BCL11A: variants seen among roughly 807,000 people sequenced by gnomAD.
BCL11A encodes B cell CLL/lymphoma 11A.
BCL11A carries 2 observed loss-of-function variants against 55.9 expected under a neutral mutation model. That is an observed-to-expected ratio of 0.04 (90% CI 0.01 to 0.11). The LOEUF is 0.11. Ranked by LOEUF, BCL11A falls within the 10% of genes least tolerant of loss-of-function variation. The pLI is 1.00. For synonymous variants in BCL11A, 465 were observed against 473.4 expected, an observed-to-expected ratio of 0.98 and a Z score of 0.23; for missense variants, 817 against 1,137.1, an observed-to-expected ratio of 0.72 and a Z score of 4.05.
intron 2 of BCL11A, among the ~76,000 whole-genome samples, chr2:60,491,425 C>G (rs1311699539): frequency 6.6e-6 from 1 of 152,146 alleles, no homozygotes; most frequent in Non-Finnish European, 1.5e-5. Flanking sequence ...GTAATCCCAG[C>G]ACTTTGGGAG....
At chr2:60,476,606 A>G (rs1677611171) in intron 2 of BCL11A, among the ~76,000 whole-genome samples, 1 of 152,262 alleles carries the variant, frequency 6.6e-6, no homozygotes, top group African/African-American at 2.4e-5. Flanking sequence ...GAATTTCTGT[A>G]AAATAAATCA....
intron 2 of BCL11A, among the ~76,000 whole-genome samples, chr2:60,495,401 C>T (rs1678888327): frequency 6.6e-6 from 1 of 152,210 alleles, no homozygotes; most frequent in Non-Finnish European, 1.5e-5. Context: ...CTGGAATCAG[C>T]TATCTGCTCT....
At chr2:60,476,630 A>G (rs1484939041) in intron 2 of BCL11A, among the ~76,000 whole-genome samples, 1 of 152,250 alleles carries the variant, frequency 6.6e-6, no homozygotes, top group African/African-American at 2.4e-5. Flanking sequence ...TTGCTAACCA[A>G]CATAATTTCA....
chr2:60,455,052 G>A, downstream of BCL11A, among the ~76,000 whole-genome samples: 1 of 152,172 alleles, frequency 6.6e-6, no homozygotes, highest in East Asian at 1.9e-4. Flanking sequence ...ACAAAGAGAG[G>A]ATAGCAAATG....
intron 2 of BCL11A, among the ~76,000 whole-genome samples, chr2:60,531,828 C>T (rs939690003): frequency 1.3e-5 from 2 of 152,196 alleles, no homozygotes; most frequent in South Asian, 2.1e-4. Context: ...CCCTCTCTGC[C>T]GGCCGCAGCT....
At chr2:60,508,617 T>A (rs553202875) in intron 2 of BCL11A, 2 of 152,376 alleles carry the variant, frequency 1.3e-5, no homozygotes, top group African/African-American at 4.8e-5. Context: ...TCAGGTACTA[T>A]GGCAAACTGG....
Position 60,459,514 on chromosome 2 carries a change from C to G in BCL11A, c.*890G>C. 9.8e-7 allele frequency: 1 copy of G among 1,022,606 alleles called. No homozygotes were observed. The highest frequency in any genetic ancestry group is 1.2e-6 in the Non-Finnish European group (1 of 851,732). The allele number at this position is 1,022,606 out of a possible 1,614,324, so 63.3% of individuals were successfully genotyped here. On this transcript the variant is annotated 3_prime_UTR_variant, in exon 4 of 4. Coordinates refer to ENST00000642384, the MANE Select transcript of BCL11A (RefSeq NM_022893.4). ...AAACTAAAGGAAAAATGATGATTAACTAGGACATAATGGGTCATCTTTTTA... is the reference window on the plus strand; with the variant it reads ...AAACTAAAGGAAAAATGATGATTAAGTAGGACATAATGGGTCATCTTTTTA...
At chr2:60,535,843 A>G (rs1436973554) in intron 2 of BCL11A, 3 of 152,244 alleles carry the variant, frequency 2.0e-5, no homozygotes, top group Non-Finnish European at 4.4e-5. Context: ...GTGTCCACCC[A>G]CCACCACCAT....
intron 2 of BCL11A, among the ~76,000 whole-genome samples, chr2:60,509,863 G>A (rs1007700743): frequency 1.2e-4 from 18 of 152,074 alleles, no homozygotes; most frequent in African/African-American, 4.3e-4. Flanking sequence ...AGGAGCCCCA[G>A]ACACACCCAT....
At chr2:60,464,659 C>A (rs1167546196) in intron 3 of BCL11A, among the ~76,000 whole-genome samples, 1 of 152,190 alleles carries the variant, frequency 6.6e-6, no homozygotes, top group East Asian at 1.9e-4. Flanking sequence ...TCACATGTGC[C>A]ATGAATTGTA....
intron 2 of BCL11A, among the ~76,000 whole-genome samples, chr2:60,523,302 T>C (rs1669072414): frequency 6.6e-6 from 1 of 152,198 alleles, no homozygotes; most frequent in Non-Finnish European, 1.5e-5. Context: ...CTTGGGACTG[T>C]TGCTCCTAAA....
chr2:60,479,697 T>C (rs1677841994), intron 2 of BCL11A, among the ~76,000 whole-genome samples: 1 of 152,166 alleles, frequency 6.6e-6, no homozygotes, highest in Non-Finnish European at 1.5e-5. Flanking sequence ...CCAGCTCTAA[T>C]GCAATAAAAT....
chr2:60,468,320 A>G (rs1677006094), intron 3 of BCL11A, among the ~76,000 whole-genome samples: 1 of 152,148 alleles, frequency 6.6e-6, no homozygotes, highest in South Asian at 2.1e-4. Flanking sequence ...CTCTGGAATA[A>G]CCCTAAACTG....
rs1210196053 is a variant in BCL11A, at chr2:60,458,373, C to A, written c.*2031G>T. 9.8e-7 allele frequency: 1 copy of A among 1,025,078 alleles called. No homozygotes were observed. Among genetic ancestry groups the A allele is most frequent in the African/African-American group, 1.7e-5 (1 of 58,566 alleles). The allele number at this position is 1,025,078 out of a possible 1,614,324, so 63.5% of individuals were successfully genotyped here. A position where few individuals can be genotyped will look rare whatever the true frequency, so the allele number is the denominator to read the frequency against. On this transcript the variant is annotated 3_prime_UTR_variant, in exon 4 of 4. Coordinates refer to ENST00000642384, the MANE Select transcript of BCL11A (RefSeq NM_022893.4). ...AACAAGTCTTGTAACACCACCAAGA[C>A]AATGGAACCCTAAAATGCAGTTCCC...
intron 2 of BCL11A, among the ~76,000 whole-genome samples, chr2:60,496,356 A>C (rs947390441): frequency 9.9e-5 from 15 of 152,208 alleles, no homozygotes; most frequent in African/African-American, 3.6e-4. Flanking sequence ...CTATGAGGCA[A>C]GTGTCCAGGG....
chr2:60,546,102 G>A lies in BCL11A; in HGVS notation c.254C>T (p.Pro85Leu). ...TTTCATCTCGATTGGTGAAGGGGAA[G>A]GTGGCTTATCCACAGCTTTTTCTAA... The part of the protein sequence containing the change: ...LCLEKAVDKP[P>L]SPSPIEMKKA... The change falls in exon 2 of 4, where the codon CCT (proline) becomes CTT (leucine). Residue 85 changes from proline (P) to leucine (L), a missense_variant. Coordinates refer to ENST00000642384, the MANE Select transcript of BCL11A (RefSeq NM_022893.4). This position sits in a 1 kb window ranked among gnomAD's most constrained non-coding sequence, Gnocchi z 4.1. The A allele has an allele frequency of 6.2e-7, 1 of 1,614,174 alleles. No homozygotes were observed. The highest frequency in any genetic ancestry group is 8.5e-7 in the Non-Finnish European group (1 of 1,180,034).
chr2:60,489,477 G>A (rs902744284), intron 2 of BCL11A, among the ~76,000 whole-genome samples: 10 of 152,192 alleles, frequency 6.6e-5, no homozygotes, highest in African/African-American at 2.4e-4. Flanking sequence ...TAAAATAGCT[G>A]CCTCATCATC....
At chr2:60,478,970 T>G (rs1320292923) in intron 2 of BCL11A, among the ~76,000 whole-genome samples, 2 of 103,540 alleles carry the variant, frequency 1.9e-5, no homozygotes, top group East Asian at 1.9e-4. Context: ...TGTTTTTTGT[T>G]TTTTTTTTTT....
chr2:60,495,146 A>T (rs1678871882), intron 2 of BCL11A, among the ~76,000 whole-genome samples: 1 of 152,236 alleles, frequency 6.6e-6, no homozygotes, highest in African/African-American at 2.4e-5. Flanking sequence ...CATCACCAAG[A>T]GAGCCTTCCG....
Sources: allele counts gnomAD v4.1 joint callset (sites outside exome capture counted in the v4.1 genomes callset), GRCh38; gene constraint gnomAD v4.1.1; non-coding constraint Gnocchi (gnomAD v3.1); transcripts MANE v1.5; gene names NCBI Gene and HGNC (gene_info 2026-07-23, HGNC 2026-07-21).